SULF2: variants seen among roughly 807,000 people sequenced by gnomAD.
SULF2 encodes sulfatase 2, also known as extracellular sulfatase Sulf-2.
A neutral mutation model predicts 107.7 loss-of-function variants in SULF2; 52 were observed. The observed-to-expected ratio is 0.48, with a 90% confidence interval of 0.39 to 0.61. The LOEUF (loss-of-function observed/expected upper bound fraction) is 0.61, where lower values mean the gene tolerates loss of function less well. Ranked by LOEUF, SULF2 falls within the 20% of genes least tolerant of loss-of-function variation. The pLI, the probability that SULF2 is intolerant of heterozygous loss-of-function variation, is 0.00. For synonymous variants in SULF2, 460 were observed against 464.3 expected, an observed-to-expected ratio of 0.99 and a Z score of 0.12; for missense variants, 993 against 1,177.3, an observed-to-expected ratio of 0.84 and a Z score of 2.29.
chr20:47,690,912 T>C (rs2088177582), intron 4 of SULF2, among the ~76,000 whole-genome samples: 1 of 151,882 alleles, frequency 6.6e-6, no homozygotes, highest in Non-Finnish European at 1.5e-5. Flanking sequence ...GCTAACACTA[T>C]TGAGTGCTTA....
chr20:47,770,775 TGC>T (rs2090614854), intron 1 of SULF2, among the ~76,000 whole-genome samples: 1 of 152,120 alleles, frequency 6.6e-6, no homozygotes, highest in Non-Finnish European at 1.5e-5. Context: ...TGGGAGGGGC[TGC>T]GGAGTGGGCA....
At chr20:47,727,966 C>T (rs1240339397) in intron 3 of SULF2, among the ~76,000 whole-genome samples, 1 of 152,204 alleles carries the variant, frequency 6.6e-6, no homozygotes, top group Non-Finnish European at 1.5e-5. Context: ...CAAATCCGTG[C>T]CTCTCGAGGA....
At chr20:47,689,919 T>A (rs2088138952) in intron 5 of SULF2, 1 of 432,970 alleles carries the variant, frequency 2.3e-6, no homozygotes, top group African/African-American at 2.0e-5. Flanking sequence ...AAGTTAAAAA[T>A]TCTCCTGCCT....
chr20:47,713,732 G>A (rs1407124470), intron 3 of SULF2, among the ~76,000 whole-genome samples: 1 of 149,520 alleles, frequency 6.7e-6, no homozygotes, highest in African/African-American at 2.5e-5. Context: ...CCTGGGCAAC[G>A]GAGTGAGATT....
chr20:47,757,178 C>T lies in SULF2; in HGVS notation c.175+11G>A, dbSNP rs540262018. On this transcript the variant is annotated intron_variant, in intron 2 of 20. Transcript: ENST00000688720. The stretch of plus-strand genomic sequence containing the variant: ...GGGGCCGAGGTGCCACCCTGGGGCC[C>T]CGAGGCTTACCCAGCTCCACATCCT... 5.9e-5 allele frequency: 91 copies of T among 1,543,972 alleles called. No homozygotes were observed. In the South Asian group the frequency reaches 1.0e-3, roughly 18 times the overall value.
At position 47,678,555 on chromosome 20, in the gene SULF2, A is replaced by G. The variant is rs1602623080; in HGVS notation, c.1193+121T>C. ...GCAGGTAAGTGGTTGGCATGGCGGG[A>G]CCTGAGAACCCCAGCTCCCGACCCT... On this transcript the variant is annotated intron_variant, in intron 8 of 20. Coordinates refer to ENST00000688720, the MANE Select transcript of SULF2 (RefSeq NM_001387048.1). This position sits in a 1 kb window ranked among gnomAD's most constrained non-coding sequence, Gnocchi z 4.5. 1 of 1,127,964 alleles carries G rather than the reference A, an allele frequency of 8.9e-7. No individual in the cohort carries two copies. Among genetic ancestry groups the G allele is most frequent in the East Asian group, 2.5e-5 (1 of 39,442 alleles). The allele number at this position is 1,127,964 out of a possible 1,614,324, so 69.9% of individuals were successfully genotyped here.
chr20:47,781,094 C>T (rs2090825038), intron 1 of SULF2, among the ~76,000 whole-genome samples: 2 of 151,904 alleles, frequency 1.3e-5, no homozygotes, highest in Admixed American at 6.6e-5. Context: ...ACAAACACTG[C>T]CCCTGGCCCC....
chr20:47,764,046 A>G (rs1878611338), intron 1 of SULF2, among the ~76,000 whole-genome samples: 2 of 152,144 alleles, frequency 1.3e-5, no homozygotes, highest in Non-Finnish European at 2.9e-5. Flanking sequence ...TTCCTTGCAC[A>G]TGCTAGCACA....
At chr20:47,781,440 A>G (rs2090832055) in intron 1 of SULF2, among the ~76,000 whole-genome samples, 2 of 152,192 alleles carry the variant, frequency 1.3e-5, no homozygotes, top group African/African-American at 4.8e-5. Flanking sequence ...GCTTAAGCCA[A>G]TTGTTGGCAA....
intron 1 of SULF2, among the ~76,000 whole-genome samples, chr20:47,763,828 CCAGA>C (rs1224097384): frequency 6.6e-6 from 1 of 152,198 alleles, no homozygotes; most frequent in South Asian, 2.1e-4. Flanking sequence ...CATCAAGCAG[CCAGA>C]CAGATCCTGT....
Position 47,663,524 on chromosome 20 carries a change from G to T in SULF2, c.2156C>A (p.Thr719Lys), listed in dbSNP as rs772535355. ...GCACGTGAGGCCTGGCATGCTGCAC[G>T]TGTCGTTGTTCTGCAGGCGCTTGAG... ...KLLKRLQNND[T>K]CSMPGLTCFT... is the part of the protein sequence containing the mutation. The change falls in exon 16 of 21, where the codon ACG (threonine) becomes AAG (lysine). Residue 719 changes from threonine (T) to lysine (K), a missense_variant. Thr to Lys is a moderately conservative substitution (Grantham distance 78, BLOSUM62 -1). Coordinates refer to ENST00000688720, the MANE Select transcript of SULF2 (RefSeq NM_001387048.1). The T allele has an allele frequency of 9.3e-6, 15 of 1,612,740 alleles. 1 individual carries two copies. Among genetic ancestry groups the T allele is most frequent in the Middle Eastern group, 1.6e-4 (1 of 6,084 alleles).
chr20:47,776,428 T>C (rs2146987104), intron 1 of SULF2, among the ~76,000 whole-genome samples: 1 of 152,296 alleles, frequency 6.6e-6, no homozygotes, highest in African/African-American at 2.4e-5. Flanking sequence ...CGCTGAGTTA[T>C]TCCACATTCA....
At chr20:47,759,489 C>T (rs754916208) in intron 1 of SULF2, among the ~76,000 whole-genome samples, 15 of 152,130 alleles carry the variant, frequency 9.9e-5, no homozygotes, top group Non-Finnish European at 1.8e-4. Context: ...GTCAGGAGTT[C>T]GAGACCAGCC....
In SULF2 at chr20:47,747,773, CT is replaced by C. The variant is rs912951092; in HGVS notation, c.175+9415del. Among the ~76,000 whole-genome samples the C allele has an allele frequency of 6.6e-5, 10 of 152,050 alleles. 1 individual carries two copies. Among genetic ancestry groups the C allele is most frequent in the Non-Finnish European group, 1.5e-4 (10 of 67,998 alleles). The stretch of plus-strand genomic sequence containing the variant: ...TCCTCCTGCCCCCGCCTTCCCATCT[CT>C]GTAAATGGCACTGCCATCTGCCCAA... On this transcript the variant is annotated intron_variant, in intron 2 of 20. Coordinates refer to ENST00000688720, the MANE Select transcript of SULF2 (RefSeq NM_001387048.1).
intron 3 of SULF2, among the ~76,000 whole-genome samples, chr20:47,721,520 T>C (rs1889176): frequency 0.28 from 42,493 of 151,982 alleles, 6,098 homozygotes; most frequent in African/African-American, 0.33. Flanking sequence ...AGGCATGCGC[T>C]ACCACGCCTG....
At chr20:47,769,658 C>T (rs1384536058) in intron 1 of SULF2, among the ~76,000 whole-genome samples, 4 of 152,156 alleles carry the variant, frequency 2.6e-5, no homozygotes, top group South Asian at 2.1e-4. Context: ...ACTATGTTCC[C>T]GGCCCTATTC....
rs59966689 is a variant in SULF2, at chr20:47,700,637, C to CTTTTTTTTTTT, written c.567+1871_567+1881dup. Among the ~76,000 whole-genome samples, 5 of 126,208 alleles carry CTTTTTTTTTTT rather than the reference C, an allele frequency of 4.0e-5. 1 individual carries two copies. The highest frequency in any genetic ancestry group is 1.2e-4 in the African/African-American group (4 of 33,558). 82.8% of individuals were successfully genotyped at this position (126,208 alleles called of 152,430 possible). ...GCTGGAGTGTAAACTGGTGCAACATCTTTTTTTTTTTTTTTTTTTCTTTTT... is the reference window on the plus strand; with the variant it reads ...GCTGGAGTGTAAACTGGTGCAACATCTTTTTTTTTTTTTTTTTTTTTTTTTTTTTTCTTTTT... On this transcript the variant is annotated intron_variant, in intron 4 of 20. Coordinates refer to ENST00000688720, the MANE Select transcript of SULF2 (RefSeq NM_001387048.1).
At chr20:47,682,355 T>C (rs567039685) in intron 7 of SULF2, among the ~76,000 whole-genome samples, 1 of 152,308 alleles carries the variant, frequency 6.6e-6, no homozygotes, top group East Asian at 1.9e-4. Flanking sequence ...ACATCTGCTT[T>C]TCAAAAACCT....
intron 1 of SULF2, among the ~76,000 whole-genome samples, chr20:47,758,460 T>C (rs6066458): frequency 0.14 from 21,676 of 152,182 alleles, 1,951 homozygotes; most frequent in South Asian, 0.38. Flanking sequence ...TGTGAGCCAC[T>C]GTGCCCAGCC....
Sources: gnomAD v4.1 joint callset for allele counts (sites outside exome capture counted in the v4.1 genomes callset) on GRCh38, gnomAD v4.1.1 for gene constraint, Gnocchi (gnomAD v3.1) non-coding constraint, MANE v1.5 for transcripts, NCBI Gene and HGNC (gene_info 2026-07-23, HGNC 2026-07-21) for gene names.